RASAL1: variants seen among roughly 807,000 people sequenced by gnomAD.
The protein encoded by RASAL1 is rasGAP-activating-like protein 1.
In RASAL1, 72 loss-of-function variants were observed where a neutral mutation model predicts 96.6. That is an observed-to-expected ratio of 0.75 (90% CI 0.62 to 0.91). The LOEUF is 0.91. Ranked by LOEUF, RASAL1 falls within the 40% of genes least tolerant of loss-of-function variation. The pLI is 0.00. For missense variants in RASAL1, 1,016 were observed against 1,072.5 expected, an observed-to-expected ratio of 0.95 and a Z score of 0.74; for synonymous variants, 405 against 430.4, an observed-to-expected ratio of 0.94 and a Z score of 0.73.
intron 14 of RASAL1, 80 bp from the exon 15 acceptor site, chr12:113,107,321 C>A: frequency 6.9e-7 from 1 of 1,442,280 alleles, no homozygotes; most frequent in South Asian, 1.4e-5. Context: ...AATCAGTGCT[C>A]AATAAAAGAA....
rs749908078 is a variant in RASAL1 at position 113,103,981 on chromosome 12, G to A, written c.2069C>T (p.Ala690Val). ...AGCCTGGAGGCAGCAGGTCCAGCGCGCGCTGCGGAAGGCACCGGGGTGGCA... is the reference window on the plus strand; with the variant it reads ...AGCCTGGAGGCAGCAGGTCCAGCGCACGCTGCGGAAGGCACCGGGGTGGCA... Reference protein sequence around the residue: ...AACHPGAFRSARWTCCLQAER... With the variant: ...AACHPGAFRSVRWTCCLQAER... Residue 690 changes from alanine to valine, a missense_variant, in exon 18 of 21, where the codon GCG becomes GTG. Coordinates refer to ENST00000548055, the MANE Select transcript of RASAL1 (RefSeq NM_001301202.2). 1.1e-5 allele frequency: 17 copies of A among 1,566,862 alleles called. No individual in the cohort carries two copies. The highest frequency in any genetic ancestry group is 2.3e-5 in the South Asian group (2 of 85,622).
chr12:113,127,522 C>T (rs1371585277), intron 4 of RASAL1, among the ~76,000 whole-genome samples: 1 of 152,026 alleles, frequency 6.6e-6, no homozygotes, highest in Non-Finnish European at 1.5e-5. Flanking sequence ...TGGTGGTGTG[C>T]ACCTGTAATC....
In RASAL1 at chr12:113,115,989, T is replaced by C. The variant is rs1478850495; in HGVS notation, c.794A>G (p.Gln265Arg). The change falls in exon 9 of 21, where the codon CAG becomes CGG. Residue 265 changes from glutamine to arginine, a missense_variant. Coordinates refer to ENST00000548055, the MANE Select transcript of RASAL1 (RefSeq NM_001301202.2). This position sits in a 1 kb window ranked among gnomAD's most constrained non-coding sequence, Gnocchi z 4.1. ...RLIEDRVLPS[Q>R]CYQPLMELLM... ...CAGCTCCATGAGAGGCTGGTAGCAC[T>C]GGGAGGGCAGGACGCGGTCCTCAAT... The C allele has an allele frequency of 8.1e-6, 13 of 1,610,622 alleles. No homozygotes were observed. Among genetic ancestry groups the C allele is most frequent in the Non-Finnish European group, 1.1e-5 (13 of 1,178,128 alleles).
At chr12:113,110,519 C>T (rs1950828377) in intron 13 of RASAL1, among the ~76,000 whole-genome samples, 1 of 152,204 alleles carries the variant, frequency 6.6e-6, no homozygotes, top group Non-Finnish European at 1.5e-5. Context: ...GAGCATTCAA[C>T]CAGGGGGTCC....
rs1366995173 is a variant in RASAL1, at chr12:113,101,253, T to G, written c.2226-573A>C. 2.6e-5 allele frequency among the ~76,000 whole-genome samples: 4 copies of G among 152,212 alleles called. No homozygotes were observed. In the East Asian group the frequency reaches 7.7e-4, roughly 29 times the overall value. ...CAACATGGTGAAACCCCGTCTCTAC[T>G]AAAAATACAAAAACTAGTCAGGCGT... On this transcript the variant is annotated intron_variant, in intron 19 of 20. Transcript: ENST00000548055.
At chr12:113,113,052 C>T (rs1264078239) in intron 12 of RASAL1, among the ~76,000 whole-genome samples, 2 of 152,204 alleles carry the variant, frequency 1.3e-5, no homozygotes, top group Non-Finnish European at 2.9e-5. Context: ...CCTACTGTAT[C>T]GTCAGTGTTC....
At chr12:113,112,732 C>G (rs1268312023) in intron 12 of RASAL1, among the ~76,000 whole-genome samples, 2 of 152,046 alleles carry the variant, frequency 1.3e-5, no homozygotes, top group Admixed American at 1.3e-4. Flanking sequence ...GGGCAGGTCA[C>G]TTGAGACCAG....
intron 5 of RASAL1, among the ~76,000 whole-genome samples, 156 bp from the exon 6 acceptor site, chr12:113,119,599 C>G (rs1005392781): frequency 4.6e-5 from 7 of 152,198 alleles, no homozygotes; most frequent in Non-Finnish European, 7.3e-5. Flanking sequence ...CCATGACCGT[C>G]CAAACCCAGT....
intron 18 of RASAL1, 91 bp from the exon 19 acceptor site, chr12:113,102,100 C>T: frequency 2.0e-6 from 3 of 1,477,670 alleles, no homozygotes; most frequent in Non-Finnish European, 2.7e-6. Flanking sequence ...GCTCCTTCTT[C>T]CTGTAAAATC....
Position 113,130,837 on chromosome 12 carries a change from G to C in RASAL1, c.122+48C>G, listed in dbSNP as rs199511842. On this transcript the variant is annotated intron_variant, in intron 2 of 20. Coordinates refer to ENST00000548055, the MANE Select transcript of RASAL1 (RefSeq NM_001301202.2). This position sits in a 1 kb window ranked among gnomAD's most constrained non-coding sequence, Gnocchi z 5.1. ...CTTGGTCCCAGATTCCCCAGGTCTAGAAAGAGACCCCTCCCTTCCTCCTCT... is the reference window on the plus strand; with the variant it reads ...CTTGGTCCCAGATTCCCCAGGTCTACAAAGAGACCCCTCCCTTCCTCCTCT... 1.3e-6 allele frequency: 2 copies of C among 1,518,106 alleles called. No individual in the cohort carries two copies. Among genetic ancestry groups the C allele is most frequent in the South Asian group, 1.2e-5 (1 of 86,484 alleles). 94.0% of individuals were successfully genotyped at this position (1,518,106 alleles called of 1,614,324 possible). A position where few individuals can be genotyped will look rare whatever the true frequency, so the allele number is the denominator to read the frequency against.
In RASAL1 at chr12:113,135,151, C is replaced by G. The variant is rs1189613028; in HGVS notation, c.65+247G>C. The stretch of plus-strand genomic sequence containing the variant: ...GACCCCCTTTAGTACATCCCGGGAA[C>G]AAAGACACCCCCTCCCCTGCCCGGG... On this transcript the variant is annotated intron_variant, in intron 1 of 20. Coordinates refer to ENST00000548055, the MANE Select transcript of RASAL1 (RefSeq NM_001301202.2). This position sits in a 1 kb window ranked among gnomAD's most constrained non-coding sequence, Gnocchi z 5.7. Among the ~76,000 whole-genome samples the G allele has an allele frequency of 6.6e-6, 1 of 152,094 alleles. No individual in the cohort carries two copies. Among genetic ancestry groups the G allele is most frequent in the Non-Finnish European group, 1.5e-5 (1 of 68,012 alleles).
intron 1 of RASAL1, among the ~76,000 whole-genome samples, chr12:113,131,448 C>T (rs1360762902): frequency 1.3e-5 from 2 of 152,152 alleles, no homozygotes; most frequent in Admixed American, 6.5e-5. Flanking sequence ...CCTGCAGGGG[C>T]TTTAATGCTG....
Position 113,105,891 on chromosome 12 carries a change from G to C in RASAL1, c.1658-5C>G. The C allele has an allele frequency of 6.2e-7, 1 of 1,611,652 alleles. No individual in the cohort carries two copies. Among genetic ancestry groups the C allele is most frequent in the South Asian group, 1.1e-5 (1 of 90,876 alleles). On this transcript the variant is annotated splice_region_variant and splice_polypyrimidine_tract_variant and intron_variant, in intron 15 of 20. Transcript: ENST00000548055. Reference sequence around the variant, plus strand: ...CCCTGGCTGGGACACCAGCTTCTAGGAGATGGGAGAAGAGAGCGGTGGACA... The same window carrying C: ...CCCTGGCTGGGACACCAGCTTCTAGCAGATGGGAGAAGAGAGCGGTGGACA...
chr12:113,134,489 A>T (rs577607494), intron 1 of RASAL1, among the ~76,000 whole-genome samples: 1 of 152,268 alleles, frequency 6.6e-6, no homozygotes, highest in African/African-American at 2.4e-5. Flanking sequence ...AGGCAACCAG[A>T]TGGGGACTCC....
chr12:113,100,714 C>A (rs561295028), intron 19 of RASAL1, 34 bp from the exon 20 acceptor site: 33 of 1,578,832 alleles, frequency 2.1e-5, no homozygotes, highest in Middle Eastern at 3.3e-4. Context: ...CAAGTCTGGT[C>A]CCTGATTCCC....
chr12:113,131,041 A>G, intron 1 of RASAL1, 100 bp from the exon 2 acceptor site: 1 of 848,912 alleles, frequency 1.2e-6, no homozygotes, highest in Non-Finnish European at 1.9e-6. Context: ...AGGCACAGAC[A>G]GAGAAGGGGA....
intron 18 of RASAL1, 165 bp downstream of exon 18, chr12:113,103,781 A>C (rs1950544398): frequency 2.2e-6 from 2 of 899,840 alleles, no homozygotes; most frequent in African/African-American, 3.3e-5. Context: ...TCACAACTCC[A>C]CGAGATAGGC....
Position 113,115,589 on chromosome 12 carries a change from C to A in RASAL1, c.1003+46G>T. On this transcript the variant is annotated intron_variant, in intron 10 of 20. Coordinates refer to ENST00000548055, the MANE Select transcript of RASAL1 (RefSeq NM_001301202.2). This position sits in a 1 kb window ranked among gnomAD's most constrained non-coding sequence, Gnocchi z 4.1. Reference sequence around the variant, plus strand: ...TCCTCCCCCAGGACCCTCCTGCAAGCCCACCATTGAGGGCGGTGATGTCGG... The same window carrying A: ...TCCTCCCCCAGGACCCTCCTGCAAGACCACCATTGAGGGCGGTGATGTCGG... The A allele has an allele frequency of 6.3e-7, 1 of 1,597,464 alleles. No individual in the cohort carries two copies. The highest frequency in any genetic ancestry group is 1.1e-5 in the South Asian group (1 of 88,764).
chr12:113,112,204 A>G lies in RASAL1; in HGVS notation c.1256T>C (p.Leu419Pro), dbSNP rs1950890741. 1.6e-6 allele frequency: 2 copies of G among 1,263,012 alleles called. No homozygotes were observed. The highest frequency in any genetic ancestry group is 2.0e-6 in the Non-Finnish European group (2 of 995,828). 78.2% of individuals were successfully genotyped at this position (1,263,012 alleles called of 1,614,324 possible). ...ETSLGLLTGYLGPIVDAIVGS... is the reference protein window; with the variant it reads ...ETSLGLLTGYPGPIVDAIVGS... ...CACGATGGCGTCCACGATGGGCCCC[A>G]GGTAGCCCGTCAGCAGCCCCAGGCT... The change falls in exon 13 of 21, where the codon CTG becomes CCG. Residue 419 changes from leucine to proline, a missense_variant. Coordinates refer to ENST00000548055, the MANE Select transcript of RASAL1 (RefSeq NM_001301202.2).
Sources: gnomAD v4.1 joint callset for allele counts (sites outside exome capture counted in the v4.1 genomes callset) on GRCh38, gnomAD v4.1.1 for gene constraint, Gnocchi (gnomAD v3.1) non-coding constraint, MANE v1.5 for transcripts, NCBI Gene and HGNC (gene_info 2026-07-23, HGNC 2026-07-21) for gene names.